Variants in LIPI observed in about 807,000 individuals in gnomAD.
LIPI encodes the protein lipase member I.
In LIPI, 59 loss-of-function variants were observed where a neutral mutation model predicts 50.6. The observed-to-expected ratio is 1.16, with a 90% CI of 0.94 to 1.45. The LOEUF is 1.45. Ranked by LOEUF, LIPI falls within the 40% of genes most tolerant of loss-of-function variation. The pLI, the probability that LIPI is intolerant of heterozygous loss-of-function variation, is 0.00. For missense variants in LIPI, 586 were observed against 536.3 expected (o/e 1.09, Z -0.92); for synonymous variants, 203 against 178.2 (o/e 1.14, Z -1.11).
At chr21:14,146,377 T>G (rs1170287054) in intron 8 of LIPI, among the ~76,000 whole-genome samples, 3 of 152,314 alleles carry the variant, frequency 2.0e-5, no homozygotes, top group Middle Eastern at 3.4e-3. Flanking sequence ...ATAACTAGGA[T>G]TCACCCTTGA....
chr21:14,153,911 T>C (rs758050438), intron 7 of LIPI, among the ~76,000 whole-genome samples: 9 of 152,078 alleles, frequency 5.9e-5, no homozygotes, highest in Non-Finnish European at 1.2e-4. Flanking sequence ...AAACATGAAA[T>C]TTAAGTTTAC....
chr21:14,210,713 T>A (rs1469338777), intron 1 of LIPI, 87 bp downstream of exon 1: 5 of 418,314 alleles, frequency 1.2e-5, no homozygotes, highest in Non-Finnish European at 1.9e-5. Flanking sequence ...TCCCATTATA[T>A]CATAACATTC....
intron 4 of LIPI, among the ~76,000 whole-genome samples, chr21:14,181,249 A>G (rs2019258922): frequency 6.6e-6 from 1 of 152,196 alleles, no homozygotes; most frequent in Non-Finnish European, 1.5e-5. Context: ...CTGGCCAAAA[A>G]TCCAATACCC....
At chr21:14,162,787 A>G (rs1056837202) in intron 7 of LIPI, among the ~76,000 whole-genome samples, 4 of 151,902 alleles carry the variant, frequency 2.6e-5, no homozygotes, top group Non-Finnish European at 5.9e-5. Context: ...TTAAGTACTT[A>G]TCTCTCAGTA....
At chr21:14,144,434 C>A in intron 9 of LIPI, 189 bp downstream of exon 9, 1 of 430,480 alleles carries the variant, frequency 2.3e-6, no homozygotes, top group South Asian at 4.9e-5. Context: ...AATGAGATTC[C>A]CAAATAAATT....
chr21:14,188,434 G>A (rs923706908), intron 2 of LIPI, among the ~76,000 whole-genome samples: 9 of 151,984 alleles, frequency 5.9e-5, no homozygotes, highest in African/African-American at 2.2e-4. Flanking sequence ...TGGGCATTGT[G>A]GTGGGCACCA....
intron 9 of LIPI, among the ~76,000 whole-genome samples, chr21:14,112,023 T>A (rs764227258): frequency 7.2e-5 from 11 of 152,216 alleles, no homozygotes; most frequent in Non-Finnish European, 1.0e-4. Flanking sequence ...TCTTTTAGAA[T>A]CCTGGTATTG....
chr21:14,183,219 T>TG (rs2019335549), intron 3 of LIPI, among the ~76,000 whole-genome samples: 1 of 152,120 alleles, frequency 6.6e-6, no homozygotes, highest in Non-Finnish European at 1.5e-5. Flanking sequence ...AAACAAGAAA[T>TG]GGGGAAAGGA....
At chr21:14,142,029 C>G (rs1022714444) in intron 9 of LIPI, among the ~76,000 whole-genome samples, 2 of 152,114 alleles carry the variant, frequency 1.3e-5, no homozygotes, top group African/African-American at 4.8e-5. Context: ...ATTAATAAGG[C>G]AACAAGGGGA....
intron 9 of LIPI, among the ~76,000 whole-genome samples, chr21:14,129,795 A>G (rs2017212527): frequency 3.1e-5 from 4 of 131,092 alleles, no homozygotes; most frequent in Non-Finnish European, 5.0e-5. Flanking sequence ...AATGACTCTA[A>G]TTGTTTTTTT....
At chr21:14,133,157 T>A (rs1294224006) in intron 9 of LIPI, among the ~76,000 whole-genome samples, 2 of 152,206 alleles carry the variant, frequency 1.3e-5, no homozygotes, top group Non-Finnish European at 2.9e-5. Flanking sequence ...TAACTCATTC[T>A]AAGAGGCCAG....
intron 9 of LIPI, among the ~76,000 whole-genome samples, chr21:14,141,489 C>T (rs1231603112): frequency 6.6e-6 from 1 of 151,924 alleles, no homozygotes; most frequent in Non-Finnish European, 1.5e-5. Context: ...TTCTTAACTA[C>T]CATTGAGAAC....
chr21:14,192,307 A>C (rs1394623045), intron 1 of LIPI, among the ~76,000 whole-genome samples: 1 of 152,144 alleles, frequency 6.6e-6, no homozygotes, highest in Non-Finnish European at 1.5e-5. Flanking sequence ...TCTACTAAAA[A>C]TACAAAAATT....
At chr21:14,186,114 A>T (rs773844671) in intron 2 of LIPI, 45 bp from the exon 3 acceptor site, 1 of 1,064,046 alleles carries the variant, frequency 9.4e-7, no homozygotes, top group Non-Finnish European at 1.5e-6. Flanking sequence ...CATTTCAAGT[A>T]ATAACAAATC....
chr21:14,209,023 C>T (rs1056405216), intron 1 of LIPI, among the ~76,000 whole-genome samples: 3 of 152,140 alleles, frequency 2.0e-5, no homozygotes. Context: ...TGTACTCCAG[C>T]CTGGGTGACA....
intron 9 of LIPI, among the ~76,000 whole-genome samples, chr21:14,110,755 T>C (rs1483473659): frequency 6.6e-6 from 1 of 151,792 alleles, no homozygotes; most frequent in Non-Finnish European, 1.5e-5. Flanking sequence ...CCTGGCTTAT[T>C]ATACTTAACA....
rs751253491 is a variant in LIPI, at chr21:14,166,349, A to G, written c.733+13T>C. On this transcript the variant is annotated intron_variant, in intron 5 of 9. Coordinates refer to ENST00000681601, the MANE Select transcript of LIPI (RefSeq NM_001302998.2). ...AATATTATGTAGTTCATTCAAAAAT[A>G]CTGTCAGTATACCTGAGAAAATTGA... The G allele has an allele frequency of 1.4e-6, 2 of 1,397,934 alleles. No homozygotes were observed. The highest frequency in any genetic ancestry group is 1.4e-5 in the African/African-American group (1 of 70,694). The allele number at this position is 1,397,934 out of a possible 1,614,324, so 86.6% of individuals were successfully genotyped here.
At position 14,167,232 on chromosome 21, in the gene LIPI, A is replaced by C. The variant is rs1005616101; in HGVS notation, c.644-781T>G. On this transcript the variant is annotated intron_variant, in intron 4 of 9. Transcript: ENST00000681601. The stretch of plus-strand genomic sequence containing the variant: ...GGGAAGCTTGAACTGGGTGGAGCCC[A>C]CCACAGCTCAAGGAGGCCTGCCTGC... 4.1e-4 allele frequency among the ~76,000 whole-genome samples: 63 copies of C among 152,330 alleles called. 1 individual carries two copies. In the South Asian group the frequency reaches 0.012, roughly 30 times the overall value.
chr21:14,135,677 A>C (rs1179534827), intron 9 of LIPI, among the ~76,000 whole-genome samples: 1 of 152,194 alleles, frequency 6.6e-6, no homozygotes, highest in African/African-American at 2.4e-5. Context: ...AAACCTGGCC[A>C]CTGAGGCCCA....
Sources: allele counts gnomAD v4.1 joint callset (sites outside exome capture counted in the v4.1 genomes callset), GRCh38; gene constraint gnomAD v4.1.1; transcripts MANE v1.5; gene names NCBI Gene and HGNC (gene_info 2026-07-23, HGNC 2026-07-21).